PANX1: variants seen among roughly 807,000 people sequenced by gnomAD.
The protein encoded by PANX1 is pannexin-1.
PANX1 carries 30 observed loss-of-function variants against 38.7 expected under a neutral mutation model. That is an observed-to-expected ratio of 0.78 (90% confidence interval 0.58 to 1.05). The LOEUF is 1.05. PANX1 is among the 50% of genes least tolerant of loss of function. The pLI is 0.00. For synonymous variants in PANX1, 230 were observed against 212.2 expected (o/e 1.08, Z -0.73); for missense variants, 551 against 517.2 (o/e 1.07, Z -0.63).
At chr11:94,147,168 TTAAA>T (rs1484983288) in intron 1 of PANX1, among the ~76,000 whole-genome samples, 1 of 152,202 alleles carries the variant, frequency 6.6e-6, no homozygotes, top group African/African-American at 2.4e-5. Flanking sequence ...ATATTTAATT[TTAAA>T]TAGATGAGGT....
At chr11:94,164,910 C>A (rs569086890) in intron 2 of PANX1, among the ~76,000 whole-genome samples, 1 of 152,096 alleles carries the variant, frequency 6.6e-6, no homozygotes, top group African/African-American at 2.4e-5. Flanking sequence ...GAATTGATCC[C>A]GTTATCATTA....
At chr11:94,146,864 G>A (rs1338428036) in intron 1 of PANX1, among the ~76,000 whole-genome samples, 2 of 152,188 alleles carry the variant, frequency 1.3e-5, no homozygotes, top group Middle Eastern at 3.2e-3. Context: ...TGGGAGATCT[G>A]ACTATAGATA....
chr11:94,141,213 G>A (rs571100012), intron 1 of PANX1, among the ~76,000 whole-genome samples: 1 of 152,280 alleles, frequency 6.6e-6, no homozygotes, highest in African/African-American at 2.4e-5. Flanking sequence ...AAATTTAAAA[G>A]ACACTTTCAA....
chr11:94,130,795 G>A (rs1251130374), intron 1 of PANX1, among the ~76,000 whole-genome samples: 1 of 152,186 alleles, frequency 6.6e-6, no homozygotes, highest in Non-Finnish European at 1.5e-5. Context: ...CTGGGTGAGT[G>A]GAGTGTGGTG....
intron 1 of PANX1, among the ~76,000 whole-genome samples, chr11:94,144,395 C>T (rs1342789105): frequency 1.3e-5 from 2 of 151,748 alleles, no homozygotes; most frequent in Non-Finnish European, 2.9e-5. Context: ...TTTTTTTGAT[C>T]TGGCCCTTTC....
chr11:94,168,759 T>G (rs1947130815), intron 2 of PANX1, among the ~76,000 whole-genome samples: 2 of 151,602 alleles, frequency 1.3e-5, no homozygotes, highest in South Asian at 4.1e-4. Flanking sequence ...GGGCAGCAGT[T>G]TGCTGATCCT....
intron 2 of PANX1, among the ~76,000 whole-genome samples, chr11:94,176,421 A>G (rs1257813242): frequency 6.6e-6 from 1 of 151,710 alleles, no homozygotes; most frequent in East Asian, 1.9e-4. Context: ...CAGGAAGAGG[A>G]CAGTAGGGGA....
chr11:94,172,032 CAA>C (rs1343083168), intron 2 of PANX1, among the ~76,000 whole-genome samples: 2 of 150,556 alleles, frequency 1.3e-5, no homozygotes, highest in Non-Finnish European at 2.9e-5. Flanking sequence ...ATAAGAAAAA[CAA>C]GAACAAAATT....
intron 2 of PANX1, among the ~76,000 whole-genome samples, chr11:94,159,565 C>G (rs1946996143): frequency 6.6e-6 from 1 of 152,112 alleles, no homozygotes; most frequent in South Asian, 2.1e-4. Flanking sequence ...TCTGTGGGAT[C>G]AGTGGTGATA....
chr11:94,158,978 A>G (rs1946988068), intron 2 of PANX1, among the ~76,000 whole-genome samples: 1 of 152,188 alleles, frequency 6.6e-6, no homozygotes, highest in African/African-American at 2.4e-5. Flanking sequence ...AATTTTGTCA[A>G]AGGCCTTTTC....
At chr11:94,170,331 G>T (rs998121223) in intron 2 of PANX1, among the ~76,000 whole-genome samples, 1 of 151,560 alleles carries the variant, frequency 6.6e-6, no homozygotes, top group Admixed American at 6.6e-5. Context: ...TTTGTGTCTG[G>T]CTTATCTCAC....
intron 2 of PANX1, among the ~76,000 whole-genome samples, chr11:94,172,884 C>T (rs181825630): frequency 6.6e-5 from 10 of 151,812 alleles, no homozygotes; most frequent in Admixed American, 5.2e-4. Flanking sequence ...ATACTTTGCT[C>T]GCTGTCTTCT....
At chr11:94,158,260 A>C (rs1482149899) in intron 2 of PANX1, among the ~76,000 whole-genome samples, 1 of 152,000 alleles carries the variant, frequency 6.6e-6, no homozygotes, top group African/African-American at 2.4e-5. Context: ...TGAACTTTAA[A>C]GTAGTTTTTT....
At chr11:94,166,527 A>G (rs949606580) in intron 2 of PANX1, among the ~76,000 whole-genome samples, 2 of 152,244 alleles carry the variant, frequency 1.3e-5, no homozygotes, top group Middle Eastern at 3.4e-3. Context: ...CTGCTGCCAG[A>G]TATCTTGGAA....
At chr11:94,155,382 T>G (rs1591514782) in intron 2 of PANX1, among the ~76,000 whole-genome samples, 3 of 146,448 alleles carry the variant, frequency 2.0e-5, no homozygotes, top group African/African-American at 5.0e-5. Flanking sequence ...GGCATGCTGG[T>G]GCATGCCTGT....
At chr11:94,164,488 C>G (rs1236151302) in intron 2 of PANX1, among the ~76,000 whole-genome samples, 4 of 152,082 alleles carry the variant, frequency 2.6e-5, no homozygotes, top group African/African-American at 9.7e-5. Flanking sequence ...TATTAATTTC[C>G]ATGTGTTTAG....
intron 1 of PANX1, among the ~76,000 whole-genome samples, chr11:94,142,166 G>C (rs112091891): frequency 0.027 from 4,085 of 152,244 alleles, 197 homozygotes; most frequent in African/African-American, 0.094. Context: ...GCTGGTTTGT[G>C]CTGGGTCTCC....
intron 2 of PANX1, among the ~76,000 whole-genome samples, chr11:94,168,112 T>C (rs1283750722): frequency 6.6e-6 from 1 of 152,156 alleles, no homozygotes. Flanking sequence ...CAATTTTTTT[T>C]CCCTTTTCAT....
chr11:94,176,431 A>G (rs1219616152), intron 2 of PANX1, among the ~76,000 whole-genome samples: 1 of 151,694 alleles, frequency 6.6e-6, no homozygotes, highest in African/African-American at 2.4e-5. Flanking sequence ...ACAGTAGGGG[A>G]AAAACTACTA....
Sources: gnomAD v4.1 joint callset for allele counts (sites outside exome capture counted in the v4.1 genomes callset) on GRCh38, gnomAD v4.1.1 for gene constraint, MANE v1.5 for transcripts, NCBI Gene and HGNC (gene_info 2026-07-23, HGNC 2026-07-21) for gene names.